The following RBM8A variants were observed in gnomAD, a reference collection of about 807,000 sequenced individuals.
RBM8A encodes the protein RNA binding motif protein 8A, also known as RNA-binding protein 8A.
Under a neutral mutation model 25.1 loss-of-function variants are expected in RBM8A, and 8 were observed. The ratio of observed to expected loss-of-function variants is 0.32; its 90% confidence interval spans 0.19 to 0.58. The LOEUF is 0.58. Ranked by LOEUF, RBM8A falls within the 20% of genes least tolerant of loss-of-function variation. The pLI is 0.88. For missense variants in RBM8A, 114 were observed against 236.8 expected, an observed-to-expected ratio of 0.48 and a Z score of 3.40; for synonymous variants, 66 against 80.0, an observed-to-expected ratio of 0.82 and a Z score of 0.94.
In RBM8A at chr1:145,926,536, A is replaced by G; in HGVS notation, c.288T>C (p.Tyr96=). 7 of 1,613,992 alleles carry G rather than the reference A, an allele frequency of 4.3e-6. No homozygotes were observed. Among genetic ancestry groups the G allele is most frequent in the Non-Finnish European group, 5.9e-6 (7 of 1,179,974 alleles). The change falls in exon 4 of 6, where the codon TAT becomes TAC. Residue 96 remains tyrosine, a synonymous_variant. Coordinates refer to ENST00000583313, the MANE Select transcript of RBM8A (RefSeq NM_005105.5). ...TGAGATGAATGTTTTTAATTTCCCC[A>G]TATTCTGCGAATTTGTCGTGTATGT... The part of the protein sequence containing the change: ...EEDIHDKFAE[Y]GEIKNIHLNL...
rs1191539991 is a variant in RBM8A at position 145,922,383 on chromosome 1, G to A, written c.*3499C>T. On this transcript the variant is annotated 3_prime_UTR_variant, in exon 6 of 6. Coordinates refer to ENST00000583313, the MANE Select transcript of RBM8A (RefSeq NM_005105.5). ...TTTACATGTGGACTGGGAATTAGAA[G>A]ACTTTTTGTTTCAGTCTGCCTGTTT... is the stretch of plus-strand genomic sequence containing the variant. 6.6e-6 allele frequency: 1 copy of A among 152,194 alleles called. No homozygotes were observed. Among genetic ancestry groups the A allele is most frequent in the Admixed American group, 6.5e-5 (1 of 15,282 alleles). The allele number at this position is 152,194 out of a possible 1,614,324, so 9.4% of individuals were successfully genotyped here. A position where few individuals can be genotyped will look rare whatever the true frequency, so the allele number is the denominator to read the frequency against.
intron 1 of RBM8A, 70 bp from the exon 2 acceptor site, chr1:145,927,147 A>T: frequency 6.3e-7 from 1 of 1,580,378 alleles, no homozygotes; most frequent in Non-Finnish European, 8.7e-7. Context: ...CTTTCCCAAT[A>T]CACTACCAGC....
At position 145,925,056 on chromosome 1, in the gene RBM8A, G is replaced by A; in HGVS notation, c.*826C>T. On this transcript the variant is annotated 3_prime_UTR_variant, in exon 6 of 6. Transcript: ENST00000583313. ...CTCCTTTGGATCCTCTCCTCTATGG[G>A]GCCTTCACCCTTGGCTGCCGAAGAG... is the stretch of plus-strand genomic sequence containing the variant. 1 of 263,364 alleles carries A rather than the reference G, an allele frequency of 3.8e-6. No homozygotes were observed. Among genetic ancestry groups the A allele is most frequent in the South Asian group, 2.3e-5 (1 of 44,040 alleles). The allele number at this position is 263,364 out of a possible 1,614,324, so 16.3% of individuals were successfully genotyped here. A position where few individuals can be genotyped will look rare whatever the true frequency, so the allele number is the denominator to read the frequency against.
At position 145,926,881 on chromosome 1, in the gene RBM8A, C is replaced by T. The variant is rs782048496; in HGVS notation, c.133G>A (p.Gly45Arg). 7 of 1,614,096 alleles carry T rather than the reference C, an allele frequency of 4.3e-6. No homozygotes were observed. Among genetic ancestry groups the T allele is most frequent in the African/African-American group, 1.3e-5 (1 of 74,998 alleles). The change falls in exon 3 of 6, where the codon GGG becomes AGG. Residue 45 changes from glycine (G) to arginine (R), a missense_variant. By Grantham distance (125) the Gly-to-Arg change is moderately radical (BLOSUM62 -2). This residue lies in a region of RBM8A where 102 missense variants were observed against 182.7 expected (regional missense o/e 0.56). Transcript: ENST00000583313. Reference sequence around the variant, plus strand: ...TCCTCACGCATCCGCGCTCGGGACCCCTCTTCTATAAGGGACATACACGAG... The same window carrying T: ...TCCTCACGCATCCGCGCTCGGGACCTCTCTTCTATAAGGGACATACACGAG... ...RKGRGFGSEEGSRARMREDYD... is the reference protein window; with the variant it reads ...RKGRGFGSEERSRARMREDYD...
Position 145,927,150 on chromosome 1 carries a change from C to G in RBM8A, c.68-73G>C. The G allele has an allele frequency of 1.9e-6, 3 of 1,577,944 alleles. No individual in the cohort carries two copies. In the South Asian group the frequency reaches 3.3e-5, roughly 18 times the overall value. On this transcript the variant is annotated intron_variant, in intron 1 of 5. Coordinates refer to ENST00000583313, the MANE Select transcript of RBM8A (RefSeq NM_005105.5). ...TAACAATCGTCTCTTTCCCAATACA[C>G]TACCAGCAAGCCGACCCACACCGCC...
Position 145,921,685 on chromosome 1 carries a change from A to AG in RBM8A, c.*4196dup, listed in dbSNP as rs587681154. ...TACTGAAAAGGAACTAGAAATCTAGAGGGGGAAAAGCTAAATACAAAGCAA... is the reference window on the plus strand; with the variant it reads ...TACTGAAAAGGAACTAGAAATCTAGAGGGGGGAAAAGCTAAATACAAAGCAA... On this transcript the variant is annotated 3_prime_UTR_variant, in exon 6 of 6. Coordinates refer to ENST00000583313, the MANE Select transcript of RBM8A (RefSeq NM_005105.5). 4.4e-3 allele frequency: 672 copies of AG among 153,636 alleles called. 2 individuals carry two copies. Among genetic ancestry groups the AG allele is most frequent in the Middle Eastern group, 0.02 (6 of 294 alleles). The allele number at this position is 153,636 out of a possible 1,614,324, so 9.5% of individuals were successfully genotyped here. A position where few individuals can be genotyped will look rare whatever the true frequency, so the allele number is the denominator to read the frequency against.
chr1:145,926,426 G>A (rs1344927119), intron 4 of RBM8A, 56 bp downstream of exon 4: 18 of 1,588,794 alleles, frequency 1.1e-5, no homozygotes, highest in East Asian at 2.2e-5. Flanking sequence ...ACAGAACTAC[G>A]AATGCTACCT....
At position 145,923,377 on chromosome 1, in the gene RBM8A, ATCGTAAC is replaced by A. The variant is rs1647916839; in HGVS notation, c.*2498_*2504del. The A allele has an allele frequency of 6.5e-6, 1 of 152,838 alleles. No individual in the cohort carries two copies. Among genetic ancestry groups the A allele is most frequent in the Non-Finnish European group, 1.5e-5 (1 of 68,296 alleles). The allele number at this position is 152,838 out of a possible 1,614,324, so 9.5% of individuals were successfully genotyped here. On this transcript the variant is annotated 3_prime_UTR_variant, in exon 6 of 6. Coordinates refer to ENST00000583313, the MANE Select transcript of RBM8A (RefSeq NM_005105.5). ...TTCCCAACTAGCTCAGAGTAGCCTG[ATCGTAAC>A]TCCAAACAGTTCACAAAATTCTCTT...
chr1:145,924,318 G>A lies in RBM8A; in HGVS notation c.*1564C>T, dbSNP rs143120445. The A allele has an allele frequency of 2.4e-4, 125 of 517,806 alleles. No homozygotes were observed. The highest frequency in any genetic ancestry group is 1.7e-3 in the African/African-American group (91 of 52,254). 32.1% of individuals were successfully genotyped at this position (517,806 alleles called of 1,614,324 possible). A position where few individuals can be genotyped will look rare whatever the true frequency, so the allele number is the denominator to read the frequency against. Reference sequence around the variant, plus strand: ...ACTGCCATGGCCATCTGCTATAGCCGCATTGTCCTCAGTGTGTCCAGGCCC... The same window carrying A: ...ACTGCCATGGCCATCTGCTATAGCCACATTGTCCTCAGTGTGTCCAGGCCC... On this transcript the variant is annotated 3_prime_UTR_variant, in exon 6 of 6. Coordinates refer to ENST00000583313, the MANE Select transcript of RBM8A (RefSeq NM_005105.5).
chr1:145,923,881 G>A lies in RBM8A; in HGVS notation c.*2001C>T, dbSNP rs71664100. 159 of 554,158 alleles carry A rather than the reference G, an allele frequency of 2.9e-4. No individual in the cohort carries two copies. The East Asian group carries it at 3.9e-3, about 14-fold the overall frequency. 34.3% of individuals were successfully genotyped at this position (554,158 alleles called of 1,614,324 possible). A position where few individuals can be genotyped will look rare whatever the true frequency, so the allele number is the denominator to read the frequency against. On this transcript the variant is annotated 3_prime_UTR_variant, in exon 6 of 6. Coordinates refer to ENST00000583313, the MANE Select transcript of RBM8A (RefSeq NM_005105.5). ...GTAGAAATATCATCCCTTATAAAGCGCAATGTTAGAATAGTACTTGAGAAA... is the reference window on the plus strand; with the variant it reads ...GTAGAAATATCATCCCTTATAAAGCACAATGTTAGAATAGTACTTGAGAAA...
chr1:145,924,079 A>G lies in RBM8A; in HGVS notation c.*1803T>C. The G allele has an allele frequency of 4.2e-6, 3 of 708,050 alleles. No individual in the cohort carries two copies. In the South Asian group the frequency reaches 4.5e-5, roughly 11 times the overall value. 43.9% of individuals were successfully genotyped at this position (708,050 alleles called of 1,614,324 possible). A position where few individuals can be genotyped will look rare whatever the true frequency, so the allele number is the denominator to read the frequency against. Reference sequence around the variant, plus strand: ...CACTTGGAATTAAGGATGAATTGGGAGGAGACAGTATGACATAGGTGGGTA... The same window carrying G: ...CACTTGGAATTAAGGATGAATTGGGGGGAGACAGTATGACATAGGTGGGTA... On this transcript the variant is annotated 3_prime_UTR_variant, in exon 6 of 6. Coordinates refer to ENST00000583313, the MANE Select transcript of RBM8A (RefSeq NM_005105.5).
Position 145,921,774 on chromosome 1 carries a change from C to CT in RBM8A, c.*4107dup, listed in dbSNP as rs1303053376. 6.4e-6 allele frequency: 1 copy of CT among 155,986 alleles called. No individual in the cohort carries two copies. The highest frequency in any genetic ancestry group is 1.6e-4 in the East Asian group (1 of 6,300). The allele number at this position is 155,986 out of a possible 1,614,324, so 9.7% of individuals were successfully genotyped here. On this transcript the variant is annotated 3_prime_UTR_variant, in exon 6 of 6. Transcript: ENST00000583313. ...TGGGGGGCAGGATACAACAGCATCT[C>CT]TGAGACTGTAGGATTAGAATTATGT...
rs1311883324 is a variant in RBM8A, at chr1:145,922,420, T to C, written c.*3462A>G. 6.6e-6 allele frequency: 1 copy of C among 152,254 alleles called. No homozygotes were observed. The highest frequency in any genetic ancestry group is 1.5e-5 in the Non-Finnish European group (1 of 68,048). The allele number at this position is 152,254 out of a possible 1,614,324, so 9.4% of individuals were successfully genotyped here. On this transcript the variant is annotated 3_prime_UTR_variant, in exon 6 of 6. Coordinates refer to ENST00000583313, the MANE Select transcript of RBM8A (RefSeq NM_005105.5). ...CAGTCTGCCTGTTTTACTTTGTTTT[T>C]TTCTGAGTCTCGGCTCTACTGCTAA... is the stretch of plus-strand genomic sequence containing the variant.
chr1:145,927,030 C>T lies in RBM8A; in HGVS notation c.115G>A (p.Gly39Ser). 2 of 1,614,160 alleles carry T rather than the reference C, an allele frequency of 1.2e-6. No homozygotes were observed. The highest frequency in any genetic ancestry group is 1.7e-6 in the Non-Finnish European group (2 of 1,180,022). Reference protein sequence around the residue: ...KEKAKKRKGRGFGSEEGSRAR... With the variant: ...KEKAKKRKGRSFGSEEGSRAR... ...TCCCCACACTCACCGGAGCCAAAGC[C>T]GCGACCCTTCCGTTTCTTCGCTTTT... Residue 39 changes from glycine (G) to serine (S), a missense_variant, in exon 2 of 6, where the codon GGC becomes AGC. Gly to Ser is a moderately conservative substitution (Grantham distance 56, BLOSUM62 0). Coordinates refer to ENST00000583313, the MANE Select transcript of RBM8A (RefSeq NM_005105.5).
rs1553755103 is a variant in RBM8A at position 145,922,566 on chromosome 1, G to A, written c.*3316C>T. On this transcript the variant is annotated 3_prime_UTR_variant, in exon 6 of 6. Coordinates refer to ENST00000583313, the MANE Select transcript of RBM8A (RefSeq NM_005105.5). ...CTGACAATATTTGCAACCTCTATTT[G>A]TTTCAATGGCAAACTGGTTGTGACA... The A allele has an allele frequency of 6.6e-6, 1 of 152,142 alleles. No individual in the cohort carries two copies. The highest frequency in any genetic ancestry group is 2.4e-5 in the African/African-American group (1 of 41,434). The allele number at this position is 152,142 out of a possible 1,614,324, so 9.4% of individuals were successfully genotyped here. A position where few individuals can be genotyped will look rare whatever the true frequency, so the allele number is the denominator to read the frequency against.
Position 145,926,874 on chromosome 1 carries a change from C to A in RBM8A, c.140G>T (p.Arg47Leu). 1 of 1,614,120 alleles carries A rather than the reference C, an allele frequency of 6.2e-7. No homozygotes were observed. The highest frequency in any genetic ancestry group is 8.5e-7 in the Non-Finnish European group (1 of 1,180,022). Reference sequence around the variant, plus strand: ...GTCATAATCCTCACGCATCCGCGCTCGGGACCCCTCTTCTATAAGGGACAT... The same window carrying A: ...GTCATAATCCTCACGCATCCGCGCTAGGGACCCCTCTTCTATAAGGGACAT... Reference protein sequence around the residue: ...GRGFGSEEGSRARMREDYDSV... With the variant: ...GRGFGSEEGSLARMREDYDSV... The change falls in exon 3 of 6, where the codon CGA becomes CTA. Residue 47 changes from arginine to leucine, a missense_variant. By Grantham distance (102) the Arg-to-Leu change is moderately radical. This residue lies in a region of RBM8A where 102 missense variants were observed against 182.7 expected (regional missense o/e 0.56). Coordinates refer to ENST00000583313, the MANE Select transcript of RBM8A (RefSeq NM_005105.5).
Position 145,927,328 on chromosome 1 carries a change from C to G in RBM8A, c.67+32G>C, listed in dbSNP as rs201779890. ...TTATAGCCTTCTCTCGCACCTTCCC[C>G]GCTTCCCACCAGCCGTCTCCACTGT... On this transcript the variant is annotated intron_variant, in intron 1 of 5. Transcript: ENST00000583313. The G allele has an allele frequency of 4.8e-3, 7,738 of 1,603,802 alleles. 52 individuals carry two copies. Among genetic ancestry groups the G allele is most frequent in the Non-Finnish European group, 5.1e-3 (5,939 of 1,174,430 alleles).
intron 1 of RBM8A, 119 bp from the exon 2 acceptor site, chr1:145,927,196 G>A (rs1648208568): frequency 3.4e-6 from 5 of 1,473,154 alleles, no homozygotes; most frequent in East Asian, 4.7e-5. Context: ...GTGCCTTCCC[G>A]GTCACGCCCT....
intron 4 of RBM8A, 103 bp from the exon 5 acceptor site, chr1:145,926,280 A>G: frequency 1.5e-5 from 22 of 1,512,488 alleles, no homozygotes; most frequent in Non-Finnish European, 2.0e-5. Context: ...TACACACTTT[A>G]AACAATGAAT....
Sources: allele counts gnomAD v4.1 joint callset, GRCh38; gene constraint gnomAD v4.1.1; regional missense constraint gnomAD v4.1.1; transcripts MANE v1.5; gene names NCBI Gene and HGNC (gene_info 2026-07-23, HGNC 2026-07-21).